PCDHGA8: variants seen among roughly 807,000 people sequenced by gnomAD.
The protein encoded by PCDHGA8 is protocadherin gamma-A8.
PCDHGA8 carries 45 observed loss-of-function variants against 59.2 expected under a neutral mutation model. The ratio of observed to expected loss-of-function variants is 0.76; its 90% confidence interval spans 0.60 to 0.98. PCDHGA8 has a LOEUF of 0.98. PCDHGA8 is among the 50% of genes least tolerant of loss of function. The pLI, the probability that PCDHGA8 is intolerant of heterozygous loss-of-function variation, is 0.00. For synonymous variants in PCDHGA8, 531 were observed against 519.0 expected, an observed-to-expected ratio of 1.02 and a Z score of -0.32; for missense variants, 1,257 against 1,196.2, an observed-to-expected ratio of 1.05 and a Z score of -0.75.
chr5:141,422,678 A>G, intron 1 of PCDHGA8: 1 of 1,606,250 alleles, frequency 6.2e-7, no homozygotes, highest in Non-Finnish European at 8.5e-7. Flanking sequence ...GACAGCAAAC[A>G]GAATGCCCTG....
intron 1 of PCDHGA8, chr5:141,404,536 G>A: frequency 6.2e-7 from 1 of 1,613,922 alleles, no homozygotes; most frequent in Non-Finnish European, 8.5e-7. Flanking sequence ...TTAGAGATTT[G>A]CAAATGCAGG....
intron 1 of PCDHGA8, chr5:141,422,371 C>T (rs866886181): frequency 6.4e-7 from 1 of 1,567,212 alleles, no homozygotes; most frequent in South Asian, 1.2e-5. Context: ...AGAAAATGGT[C>T]AAGTCTCCTG....
intron 1 of PCDHGA8, 102 bp from the exon 2 acceptor site, chr5:141,494,705 G>A (rs2099756254): frequency 1.3e-6 from 2 of 1,597,990 alleles, no homozygotes; most frequent in East Asian, 2.2e-5. Context: ...TTTCTTCTCT[G>A]TGCCCACTCC....
Position 141,490,051 on chromosome 5 carries a change from G to C in PCDHGA8, c.2425-4756G>C, listed in dbSNP as rs779280988. 1 of 1,614,214 alleles carries C rather than the reference G, an allele frequency of 6.2e-7. No individual in the cohort carries two copies. The highest frequency in any genetic ancestry group is 1.1e-5 in the South Asian group (1 of 91,082). On this transcript the variant is annotated intron_variant, in intron 1 of 3. Coordinates refer to ENST00000398604, the MANE Select transcript of PCDHGA8 (RefSeq NM_032088.2). The surrounding 1 kb of genome is among the most constrained non-coding windows in gnomAD (Gnocchi z 5.4). Reference sequence around the variant, plus strand: ...CCGCCTCAATGCCACTGATCCAGACGAGGGCACCAACGGCCAACTAGACTA... The same window carrying C: ...CCGCCTCAATGCCACTGATCCAGACCAGGGCACCAACGGCCAACTAGACTA...
chr5:141,470,855 G>A (rs2099242095), intron 1 of PCDHGA8, among the ~76,000 whole-genome samples: 3 of 151,856 alleles, frequency 2.0e-5, no homozygotes, highest in Admixed American at 2.0e-4. Context: ...GCTCAGATAA[G>A]TTTTTTGTTT....
rs1377364370 is a variant in PCDHGA8, at chr5:141,477,489, C to T, written c.2425-17318C>T. 1 of 1,614,048 alleles carries T rather than the reference C, an allele frequency of 6.2e-7. No homozygotes were observed. Among genetic ancestry groups the T allele is most frequent in the Non-Finnish European group, 8.5e-7 (1 of 1,180,044 alleles). On this transcript the variant is annotated intron_variant, in intron 1 of 3. Coordinates refer to ENST00000398604, the MANE Select transcript of PCDHGA8 (RefSeq NM_032088.2). This position sits in a 1 kb window ranked among gnomAD's most constrained non-coding sequence, Gnocchi z 4.9. ...ATCAATGACAACCCTCCACAATCTT[C>T]TCAATCTTCCTACGACGTTTACATT...
In PCDHGA8 at chr5:141,432,931, G is replaced by A. The variant is rs2097550450; in HGVS notation, c.2424+37694G>A. The A allele has an allele frequency of 6.2e-7, 1 of 1,614,198 alleles. No individual in the cohort carries two copies. The highest frequency in any genetic ancestry group is 2.2e-5 in the East Asian group (1 of 44,864). Reference sequence around the variant, plus strand: ...TGCGGCGCTGGCACAAGTCACGCCTGCTGCAGGCTTCAGGAGGCGGCTTGA... The same window carrying A: ...TGCGGCGCTGGCACAAGTCACGCCTACTGCAGGCTTCAGGAGGCGGCTTGA... On this transcript the variant is annotated intron_variant, in intron 1 of 3. Transcript: ENST00000398604. The surrounding 1 kb of genome is among the most constrained non-coding windows in gnomAD (Gnocchi z 6.0).
At position 141,477,591 on chromosome 5, in the gene PCDHGA8, T is replaced by C; in HGVS notation, c.2425-17216T>C. On this transcript the variant is annotated intron_variant, in intron 1 of 3. Coordinates refer to ENST00000398604, the MANE Select transcript of PCDHGA8 (RefSeq NM_032088.2). This position sits in a 1 kb window ranked among gnomAD's most constrained non-coding sequence, Gnocchi z 4.9. Reference sequence around the variant, plus strand: ...CCCGACGCCCCGCAGAATGCTCGGCTTTCTTTCTTTCTCTTGGAGCAAGGA... The same window carrying C: ...CCCGACGCCCCGCAGAATGCTCGGCCTTCTTTCTTTCTCTTGGAGCAAGGA... The C allele has an allele frequency of 6.2e-7, 1 of 1,614,136 alleles. No homozygotes were observed. The highest frequency in any genetic ancestry group is 8.5e-7 in the Non-Finnish European group (1 of 1,180,016).
At position 141,432,349 on chromosome 5, in the gene PCDHGA8, G is replaced by T; in HGVS notation, c.2424+37112G>T. On this transcript the variant is annotated intron_variant, in intron 1 of 3. Transcript: ENST00000398604. This position sits in a 1 kb window ranked among gnomAD's most constrained non-coding sequence, Gnocchi z 6.0. Reference sequence around the variant, plus strand: ...ACGAGCAGTTCCGAGACTTGCAAGTGAAAGTGATGGCGCGGGACAACGGGC... The same window carrying T: ...ACGAGCAGTTCCGAGACTTGCAAGTTAAAGTGATGGCGCGGGACAACGGGC... 4 of 1,614,240 alleles carry T rather than the reference G, an allele frequency of 2.5e-6. No homozygotes were observed. Among genetic ancestry groups the T allele is most frequent in the Non-Finnish European group, 1.7e-6 (2 of 1,180,046 alleles).
chr5:141,398,736 A>G (rs748665574), intron 1 of PCDHGA8: 1 of 1,613,884 alleles, frequency 6.2e-7, no homozygotes, highest in South Asian at 1.1e-5. Context: ...TAGACCGGGA[A>G]CAACAGAGTT....
intron 1 of PCDHGA8, chr5:141,468,354 GA>G (rs910554966): frequency 7.0e-6 from 1 of 143,440 alleles, no homozygotes. Context: ...AAAAAAGAAA[GA>G]AAAAAGAAAT....
At position 141,493,202 on chromosome 5, in the gene PCDHGA8, A is replaced by G. The variant is rs1246390819; in HGVS notation, c.2425-1605A>G. Among the ~76,000 whole-genome samples, 1 of 152,196 alleles carries G rather than the reference A, an allele frequency of 6.6e-6. No individual in the cohort carries two copies. ...ACTATATAACTCCTTTGAGAACCTC[A>G]TCTCATTTGCTCTTCCCACCATTGC... On this transcript the variant is annotated intron_variant, in intron 1 of 3. Transcript: ENST00000398604. The surrounding 1 kb of genome is among the most constrained non-coding windows in gnomAD (Gnocchi z 4.3).
At position 141,431,783 on chromosome 5, in the gene PCDHGA8, G is replaced by T; in HGVS notation, c.2424+36546G>T. 2 of 1,614,174 alleles carry T rather than the reference G, an allele frequency of 1.2e-6. No homozygotes were observed. Among genetic ancestry groups the T allele is most frequent in the East Asian group, 2.2e-5 (1 of 44,878 alleles). On this transcript the variant is annotated intron_variant, in intron 1 of 3. Transcript: ENST00000398604. The surrounding 1 kb of genome is among the most constrained non-coding windows in gnomAD (Gnocchi z 4.8). Reference sequence around the variant, plus strand: ...CCTGATCACTGTTCTGGACGTGAACGACAATGCCCCAGAAGTGGTCCTCAC... The same window carrying T: ...CCTGATCACTGTTCTGGACGTGAACTACAATGCCCCAGAAGTGGTCCTCAC...
chr5:141,469,974 T>C (rs1456176152), intron 1 of PCDHGA8, among the ~76,000 whole-genome samples: 1 of 151,864 alleles, frequency 6.6e-6, no homozygotes, highest in African/African-American at 2.4e-5. Context: ...GTACCAAAAA[T>C]ACAAAAATTA....
chr5:141,398,826 C>G (rs755219133), intron 1 of PCDHGA8: 1 of 1,613,824 alleles, frequency 6.2e-7, no homozygotes, highest in South Asian at 1.1e-5. Flanking sequence ...TCCAGGTAAC[C>G]GACGCCAATG....
intron 1 of PCDHGA8, among the ~76,000 whole-genome samples, chr5:141,470,181 A>G (rs974401154): frequency 3.9e-5 from 6 of 152,236 alleles, no homozygotes; most frequent in African/African-American, 9.6e-5. Flanking sequence ...AAAATATTCA[A>G]GTAAACTTCA....
At chr5:141,445,109 T>C (rs571834974) in intron 1 of PCDHGA8, among the ~76,000 whole-genome samples, 23 of 152,246 alleles carry the variant, frequency 1.5e-4, no homozygotes, top group Non-Finnish European at 2.8e-4. Flanking sequence ...TCTAATGTTA[T>C]TGTAAATAGT....
At chr5:141,427,929 T>A in intron 1 of PCDHGA8, 1 of 1,582,776 alleles carries the variant, frequency 6.3e-7, no homozygotes, top group South Asian at 1.1e-5. Flanking sequence ...CCGGCGCATG[T>A]TGGTGGGCGA....
chr5:141,398,018 A>G, intron 1 of PCDHGA8: 1 of 1,425,774 alleles, frequency 7.0e-7, no homozygotes, highest in East Asian at 2.5e-5. Flanking sequence ...TCGTTTCCTA[A>G]ACTGGAACTG....
Sources: allele counts gnomAD v4.1 joint callset (sites outside exome capture counted in the v4.1 genomes callset), GRCh38; gene constraint gnomAD v4.1.1; non-coding constraint Gnocchi (gnomAD v3.1); transcripts MANE v1.5; gene names NCBI Gene and HGNC (gene_info 2026-07-23, HGNC 2026-07-21).